Variants in ADAM7 observed in about 807,000 individuals in gnomAD.
The protein encoded by ADAM7 is disintegrin and metalloproteinase domain-containing protein 7.
ADAM7 carries 97 observed loss-of-function variants against 102.9 expected under a neutral mutation model. That is an observed-to-expected ratio of 0.94 (90% CI 0.80 to 1.12). The LOEUF (loss-of-function observed/expected upper bound fraction) is 1.12. Ranked by LOEUF, ADAM7 falls within the 50% of genes most tolerant of loss-of-function variation. The probability of loss-of-function intolerance (pLI) is 0.00; values close to 1 mark genes in which losing one functional copy is unlikely to be tolerated. For synonymous variants in ADAM7, 334 were observed against 304.4 expected (o/e 1.10, Z -1.01); for missense variants, 991 against 908.7 (o/e 1.09, Z -1.16).
At chr8:24,449,493 T>A (rs957277786) in intron 3 of ADAM7, among the ~76,000 whole-genome samples, 55 of 152,238 alleles carry the variant, frequency 3.6e-4, no homozygotes, top group Admixed American at 3.6e-3. Context: ...CACTTTTTGA[T>A]GGGGTTGTTT....
intron 16 of ADAM7, among the ~76,000 whole-genome samples, chr8:24,493,618 G>A (rs1338412841): frequency 6.6e-6 from 1 of 152,106 alleles, no homozygotes; most frequent in Non-Finnish European, 1.5e-5. Context: ...CTAAAGGTAA[G>A]CATACATGAG....
chr8:24,497,372 A>T (rs1470229083), intron 16 of ADAM7, among the ~76,000 whole-genome samples: 1 of 152,204 alleles, frequency 6.6e-6, no homozygotes, highest in African/African-American at 2.4e-5. Flanking sequence ...GAAATTTTAA[A>T]ACATATTAAA....
chr8:24,468,914 T>C, intron 7 of ADAM7, 94 bp downstream of exon 7: 1 of 1,208,338 alleles, frequency 8.3e-7, no homozygotes, highest in Non-Finnish European at 1.2e-6. Flanking sequence ...CTAATCAGAG[T>C]TCTATTCTAG....
At chr8:24,442,667 G>C (rs980099750) in intron 2 of ADAM7, 91 bp downstream of exon 2, 9 of 1,043,132 alleles carry the variant, frequency 8.6e-6, no homozygotes, top group Middle Eastern at 2.0e-4. Flanking sequence ...AATAGGGAGA[G>C]AGGAGTTTCA....
chr8:24,456,411 T>C (rs1427372984), intron 3 of ADAM7, among the ~76,000 whole-genome samples: 2 of 152,214 alleles, frequency 1.3e-5, no homozygotes, highest in Admixed American at 1.3e-4. Flanking sequence ...AATTTGGCTA[T>C]TGTGAATAGT....
At chr8:24,447,796 G>C (rs1317636538) in intron 3 of ADAM7, among the ~76,000 whole-genome samples, 1 of 151,880 alleles carries the variant, frequency 6.6e-6, no homozygotes, top group African/African-American at 2.4e-5. Context: ...TTTTTCCACT[G>C]GGCCATTTCT....
chr8:24,506,995 G>C (rs559509207), intron 20 of ADAM7, among the ~76,000 whole-genome samples: 1 of 152,176 alleles, frequency 6.6e-6, no homozygotes, highest in Non-Finnish European at 1.5e-5. Flanking sequence ...TAGTTGATTA[G>C]TTTCTAATCT....
chr8:24,508,576 G>T lies in ADAM7; in HGVS notation c.*30G>T, dbSNP rs754133193. ...GAAGTTGGATATCCAAAATGGCCGTGCAAGCTTAGGCTGGGGATTCTGGAT... is the reference window on the plus strand; with the variant it reads ...GAAGTTGGATATCCAAAATGGCCGTTCAAGCTTAGGCTGGGGATTCTGGAT... On this transcript the variant is annotated 3_prime_UTR_variant, in exon 22 of 22. Coordinates refer to ENST00000175238, the MANE Select transcript of ADAM7 (RefSeq NM_003817.4). 64 of 1,613,304 alleles carry T rather than the reference G, an allele frequency of 4.0e-5. No individual in the cohort carries two copies. In the South Asian group the frequency reaches 6.8e-4, roughly 17 times the overall value.
chr8:24,492,610 T>C lies in ADAM7; in HGVS notation c.1655+13T>C. The C allele has an allele frequency of 6.3e-7, 1 of 1,599,738 alleles. No individual in the cohort carries two copies. Among genetic ancestry groups the C allele is most frequent in the South Asian group, 1.1e-5 (1 of 89,698 alleles). ...CCTGTGAGGAGAAGTAAGTGCCCTG[T>C]GGAAAAAAAGTAATTTGCCTTCTTA... is the stretch of plus-strand genomic sequence containing the variant. On this transcript the variant is annotated intron_variant, in intron 15 of 21. Transcript: ENST00000175238.
chr8:24,482,058 T>G (rs2129388281), intron 8 of ADAM7, 84 bp from the exon 9 acceptor site: 2 of 1,006,786 alleles, frequency 2.0e-6, no homozygotes, highest in Non-Finnish European at 2.8e-6. Flanking sequence ...TATTGTTTTT[T>G]GGGGAAATGT....
chr8:24,452,785 G>C, intron 3 of ADAM7, among the ~76,000 whole-genome samples: 1 of 151,730 alleles, frequency 6.6e-6, no homozygotes, highest in Non-Finnish European at 1.5e-5. Flanking sequence ...GCAGTGGCTG[G>C]TACCAGTTGT....
intron 3 of ADAM7, among the ~76,000 whole-genome samples, chr8:24,463,243 G>T (rs1325727204): frequency 6.6e-6 from 1 of 152,110 alleles, no homozygotes; most frequent in Non-Finnish European, 1.5e-5. Context: ...TTATGTTCAG[G>T]TTGGGATCAA....
chr8:24,506,011 C>A, intron 20 of ADAM7: 1 of 1,084,606 alleles, frequency 9.2e-7, no homozygotes, highest in Non-Finnish European at 1.4e-6. Context: ...TAACAATCTA[C>A]ACAAGAATAT....
chr8:24,454,133 A>G (rs888296928), intron 3 of ADAM7, among the ~76,000 whole-genome samples: 1 of 152,198 alleles, frequency 6.6e-6, no homozygotes, highest in African/African-American at 2.4e-5. Flanking sequence ...CAGTCTGCCC[A>G]TTCTCAGATC....
intron 12 of ADAM7, among the ~76,000 whole-genome samples, chr8:24,489,933 T>G (rs577927294): frequency 2.0e-5 from 3 of 152,328 alleles, no homozygotes; most frequent in African/African-American, 7.2e-5. Context: ...CAACTGCCTC[T>G]GAAATTAATA....
chr8:24,459,643 A>G (rs2129379213), intron 3 of ADAM7, among the ~76,000 whole-genome samples: 1 of 152,024 alleles, frequency 6.6e-6, no homozygotes, highest in South Asian at 2.1e-4. Context: ...ACCTTTTTGT[A>G]AAGATGGGTT....
At chr8:24,479,064 T>C (rs1339876735) in intron 8 of ADAM7, among the ~76,000 whole-genome samples, 2 of 152,120 alleles carry the variant, frequency 1.3e-5, no homozygotes, top group Non-Finnish European at 2.9e-5. Flanking sequence ...TTCTCGACTT[T>C]AGGCTTTTAT....
chr8:24,473,763 C>G (rs1049302285), intron 7 of ADAM7, among the ~76,000 whole-genome samples: 1 of 151,996 alleles, frequency 6.6e-6, no homozygotes, highest in African/African-American at 2.4e-5. Flanking sequence ...AAACCCAAGC[C>G]AAGATATATC....
rs1820428660 is a variant in ADAM7 at position 24,493,192 on chromosome 8, G to T, written c.1805G>T (p.Gly602Val). 1 of 1,609,560 alleles carries T rather than the reference G, an allele frequency of 6.2e-7. No individual in the cohort carries two copies. Among genetic ancestry groups the T allele is most frequent in the South Asian group, 1.1e-5 (1 of 89,984 alleles). Residue 602 changes from glycine to valine, a missense_variant, in exon 16 of 22, where the codon GGC becomes GTC. Coordinates refer to ENST00000175238, the MANE Select transcript of ADAM7 (RefSeq NM_003817.4). Reference protein sequence around the residue: ...IFLYHDSTDIGLVASGTKCGE... With the variant: ...IFLYHDSTDIVLVASGTKCGE... Reference sequence around the variant, plus strand: ...TTATACCATGATTCTACAGACATTGGCCTGGTGGCGTCAGGAACAAAATGT... The same window carrying T: ...TTATACCATGATTCTACAGACATTGTCCTGGTGGCGTCAGGAACAAAATGT...
Sources: allele counts gnomAD v4.1 joint callset (sites outside exome capture counted in the v4.1 genomes callset), GRCh38; gene constraint gnomAD v4.1.1; transcripts MANE v1.5; gene names NCBI Gene and HGNC (gene_info 2026-07-23, HGNC 2026-07-21).